The following NELL2 variants were observed in gnomAD, a reference collection of about 807,000 sequenced individuals.
NELL2 encodes the protein protein kinase C-binding protein NELL2.
In NELL2, 41 loss-of-function variants were observed where a neutral mutation model predicts 109.6. The observed-to-expected ratio is 0.37, with a 90% CI of 0.29 to 0.49. The LOEUF is 0.49. NELL2 is among the 20% of genes least tolerant of loss of function. NELL2 has a pLI of 0.98. For missense variants in NELL2, 900 were observed against 1,008.3 expected (o/e 0.89, Z 1.45); for synonymous variants, 355 against 344.7 (o/e 1.03, Z -0.33).
At chr12:44,638,333 T>C (rs991060570) in intron 13 of NELL2, among the ~76,000 whole-genome samples, 3 of 152,140 alleles carry the variant, frequency 2.0e-5, no homozygotes, top group Non-Finnish European at 4.4e-5. Context: ...TCTCATATCA[T>C]AGATAGCACT....
chr12:44,551,085 A>G, intron 15 of NELL2, among the ~76,000 whole-genome samples: 1 of 152,194 alleles, frequency 6.6e-6, no homozygotes, highest in East Asian at 1.9e-4. Flanking sequence ...GGTGATGAAT[A>G]TGTTGATGGT....
At chr12:44,788,896 C>A (rs1392661209) in intron 3 of NELL2, among the ~76,000 whole-genome samples, 2 of 152,004 alleles carry the variant, frequency 1.3e-5, no homozygotes, top group Non-Finnish European at 2.9e-5. Context: ...AGCTTTCCCC[C>A]ACTTCCCTAA....
At chr12:44,880,376 A>C (rs1386658574), upstream of NELL2, among the ~76,000 whole-genome samples, 2 of 152,076 alleles carry the variant, frequency 1.3e-5, no homozygotes, top group African/African-American at 4.8e-5. Flanking sequence ...AAAAACCATT[A>C]GCTCTAATAA....
intron 12 of NELL2, among the ~76,000 whole-genome samples, chr12:44,702,149 C>A (rs1184337671): frequency 6.6e-6 from 1 of 152,074 alleles, no homozygotes; most frequent in Non-Finnish European, 1.5e-5. Flanking sequence ...AGAGGTTGAC[C>A]ACTCTGAATA....
chr12:44,914,285 C>T (rs1354249129), upstream of NELL2: 1 of 152,554 alleles, frequency 6.6e-6, no homozygotes, highest in East Asian at 1.9e-4. Flanking sequence ...CGCTCTCCTT[C>T]CCTTGTTCCA....
chr12:44,824,523 T>C (rs576101296), intron 2 of NELL2, among the ~76,000 whole-genome samples: 4 of 152,260 alleles, frequency 2.6e-5, no homozygotes, highest in Admixed American at 1.3e-4. Flanking sequence ...CCCCCTCGTA[T>C]GCTGTTGGCA....
At chr12:44,597,065 T>C (rs1372716898) in intron 15 of NELL2, among the ~76,000 whole-genome samples, 4 of 152,202 alleles carry the variant, frequency 2.6e-5, no homozygotes, top group East Asian at 1.9e-4. Context: ...TAGACTCTGA[T>C]TGAACATGCA....
rs185585336 is a variant in NELL2 at position 44,748,937 on chromosome 12, A to T, written c.994+25810T>A. 1.4e-3 allele frequency among the ~76,000 whole-genome samples: 216 copies of T among 152,314 alleles called. 2 individuals carry two copies. The highest frequency in any genetic ancestry group is 4.8e-3 in the African/African-American group (199 of 41,586). ...GGGAATTGCATTATAGTGAATTTGCACATACTCATAAATAATTTACAGACT... is the reference window on the plus strand; with the variant it reads ...GGGAATTGCATTATAGTGAATTTGCTCATACTCATAAATAATTTACAGACT... On this transcript the variant is annotated intron_variant, in intron 9 of 19. Coordinates refer to ENST00000429094, the MANE Select transcript of NELL2 (RefSeq NM_001145108.2).
intron 13 of NELL2, among the ~76,000 whole-genome samples, chr12:44,663,981 C>T (rs1786028748): frequency 6.6e-6 from 1 of 152,110 alleles, no homozygotes. Flanking sequence ...TCCCCTGGAA[C>T]TGCTAGCACT....
At chr12:44,614,767 T>C (rs1945758675) in intron 13 of NELL2, among the ~76,000 whole-genome samples, 1 of 152,084 alleles carries the variant, frequency 6.6e-6, no homozygotes, top group African/African-American at 2.4e-5. Flanking sequence ...GTTTGCAGAA[T>C]GAATGTGCTA....
chr12:44,847,995 G>A (rs957664426), intron 2 of NELL2, among the ~76,000 whole-genome samples: 1 of 145,226 alleles, frequency 6.9e-6, no homozygotes, highest in African/African-American at 2.6e-5. Flanking sequence ...TCGCACCACT[G>A]CATCCGGTCT....
At chr12:44,694,520 A>AACACACAC (rs60024794) in intron 12 of NELL2, among the ~76,000 whole-genome samples, 45,934 of 144,118 alleles carry the variant, frequency 0.32, 7,296 homozygotes, top group East Asian at 0.56. Flanking sequence ...CACACATACA[A>AACACACAC]ACACACACAC....
chr12:44,684,936 G>T (rs959717885), intron 12 of NELL2, among the ~76,000 whole-genome samples: 1 of 152,140 alleles, frequency 6.6e-6, no homozygotes, highest in Non-Finnish European at 1.5e-5. Context: ...TACCAGGTCT[G>T]CTTGGTGCAG....
At chr12:44,838,819 A>G (rs955834933) in intron 2 of NELL2, among the ~76,000 whole-genome samples, 4 of 151,898 alleles carry the variant, frequency 2.6e-5, no homozygotes, top group African/African-American at 9.7e-5. Flanking sequence ...TGGGAAGTGT[A>G]GAACACTTCT....
At chr12:44,745,710 G>C (rs140794972) in intron 9 of NELL2, among the ~76,000 whole-genome samples, 3,178 of 152,188 alleles carry the variant, frequency 0.021, 106 homozygotes, top group African/African-American at 0.07. Flanking sequence ...GCTTCAAAGA[G>C]AATAAAATAC....
intron 12 of NELL2, among the ~76,000 whole-genome samples, chr12:44,700,596 T>C (rs932778882): frequency 5.9e-5 from 9 of 152,258 alleles, no homozygotes; most frequent in South Asian, 2.1e-4. Context: ...CTTCCTTCTA[T>C]GATTCCCTGA....
rs1941467828 is a variant in NELL2 at position 44,520,205 on chromosome 12, G to C, written c.2200C>G (p.Leu734Val). ...CLQGEVDCWPLPCPDVECEFS... is the reference protein window; with the variant it reads ...CLQGEVDCWPVPCPDVECEFS... ...TCACACTCCACATCTGGGCAAGGCA[G>C]GGGCCAACAATCAACTTCCCCTTGC... Residue 734 changes from leucine to valine, a missense_variant, in exon 19 of 20, where the codon CTG becomes GTG. Coordinates refer to ENST00000429094, the MANE Select transcript of NELL2 (RefSeq NM_001145108.2). The C allele has an allele frequency of 6.2e-7, 1 of 1,612,326 alleles. No individual in the cohort carries two copies. Among genetic ancestry groups the C allele is most frequent in the Non-Finnish European group, 8.5e-7 (1 of 1,179,404 alleles).
chr12:44,622,537 C>T (rs1841470861), intron 13 of NELL2, among the ~76,000 whole-genome samples: 1 of 152,012 alleles, frequency 6.6e-6, no homozygotes, highest in African/African-American at 2.4e-5. Context: ...ACAAACTACA[C>T]CAGAAAAAAG....
At chr12:44,525,876 C>A (rs1592068607) in intron 16 of NELL2, among the ~76,000 whole-genome samples, 1 of 152,078 alleles carries the variant, frequency 6.6e-6, no homozygotes, top group Non-Finnish European at 1.5e-5. Context: ...CTAGGTTTGG[C>A]AATTATACTA....
Sources: gnomAD v4.1 joint callset for allele counts (sites outside exome capture counted in the v4.1 genomes callset) on GRCh38, gnomAD v4.1.1 for gene constraint, MANE v1.5 for transcripts, NCBI Gene and HGNC (gene_info 2026-07-23, HGNC 2026-07-21) for gene names.